The following RFX3 variants were observed in gnomAD, a reference collection of about 807,000 sequenced individuals.
RFX3 encodes the protein transcription factor RFX3.
In RFX3, 14 loss-of-function variants were observed where a neutral mutation model predicts 98.6. The observed-to-expected ratio is 0.14, with a 90% CI of 0.09 to 0.22. RFX3 has a LOEUF of 0.22. Ranked by LOEUF, RFX3 falls within the 10% of genes least tolerant of loss-of-function variation. The pLI is 1.00. For synonymous variants in RFX3, 383 were observed against 328.4 expected, an observed-to-expected ratio of 1.17 and a Z score of -1.80; for missense variants, 639 against 926.9, an observed-to-expected ratio of 0.69 and a Z score of 4.03.
chr9:3,305,740 G>A (rs375256963), intron 4 of RFX3, among the ~76,000 whole-genome samples: 1 of 151,984 alleles, frequency 6.6e-6, no homozygotes, highest in East Asian at 1.9e-4. Context: ...GAGGGACAGA[G>A]GAATAGTGTG....
intron 4 of RFX3, among the ~76,000 whole-genome samples, chr9:3,308,646 G>T (rs1314631803): frequency 6.6e-6 from 1 of 152,142 alleles, no homozygotes; most frequent in East Asian, 1.9e-4. Context: ...AAGTGCTATG[G>T]AACATAAATA....
At chr9:3,393,335 C>G (rs537511391) in intron 2 of RFX3, among the ~76,000 whole-genome samples, 3 of 151,862 alleles carry the variant, frequency 2.0e-5, no homozygotes, top group Non-Finnish European at 2.9e-5. Flanking sequence ...CTATTATATA[C>G]CCTATTAAGA....
intron 1 of RFX3, among the ~76,000 whole-genome samples, chr9:3,409,052 G>A (rs1230567662): frequency 6.6e-6 from 1 of 152,162 alleles, no homozygotes; most frequent in East Asian, 1.9e-4. Flanking sequence ...TAAGTTGATG[G>A]TTCAAGCTTT....
chr9:3,349,703 C>G (rs1182145291), intron 2 of RFX3, among the ~76,000 whole-genome samples: 1 of 151,784 alleles, frequency 6.6e-6, no homozygotes, highest in East Asian at 1.9e-4. Context: ...TAGAAGTGCC[C>G]ACGTGTGAAT....
intron 1 of RFX3, among the ~76,000 whole-genome samples, chr9:3,458,585 G>A (rs976788185): frequency 6.6e-6 from 1 of 152,096 alleles, no homozygotes; most frequent in African/African-American, 2.4e-5. Context: ...TATGACCCCC[G>A]AAGTCTGTAT....
intron 1 of RFX3, among the ~76,000 whole-genome samples, chr9:3,415,108 A>G (rs935982337): frequency 6.5e-5 from 6 of 92,496 alleles, no homozygotes; most frequent in South Asian, 5.4e-4. Flanking sequence ...ATATATAAGT[A>G]TATATATATA....
chr9:3,385,700 AAAAAGAAAAG>A (rs57000431), intron 2 of RFX3, among the ~76,000 whole-genome samples: 34 of 145,424 alleles, frequency 2.3e-4, no homozygotes, highest in East Asian at 1.4e-3. Flanking sequence ...AAAAAAAAAA[AAAAAGAAAAG>A]AAAAGAAAAG....
At chr9:3,237,885 C>G (rs1304130879) in intron 15 of RFX3, among the ~76,000 whole-genome samples, 1 of 151,880 alleles carries the variant, frequency 6.6e-6, no homozygotes, top group Non-Finnish European at 1.5e-5. Flanking sequence ...ACCACTATCC[C>G]ACGCCTGAGC....
At position 3,395,476 on chromosome 9, in the gene RFX3, T is replaced by C. The variant is rs1840761557; in HGVS notation, c.113A>G (p.Gln38Arg). Residue 38 changes from glutamine (Q) to arginine (R), a missense_variant, in exon 2 of 17, where the codon CAA becomes CGA. Gln to Arg is a conservative substitution (Grantham distance 43, BLOSUM62 1). Coordinates refer to ENST00000617270, the MANE Select transcript of RFX3 (RefSeq NM_001282116.2). ...TQVVQQVPVQ[Q>R]QVQQVQTVQQ... ...CTAAGAGCAGCAGCTCCTTACCTGT[T>C]GTTGTACTGGTACTTGCTGTACCAC... 7 of 1,614,038 alleles carry C rather than the reference T, an allele frequency of 4.3e-6. No homozygotes were observed. The East Asian group carries it at 1.6e-4, about 36-fold the overall frequency.
chr9:3,496,038 T>C (rs1464955963), intron 1 of RFX3, among the ~76,000 whole-genome samples: 1 of 152,034 alleles, frequency 6.6e-6, no homozygotes, highest in Non-Finnish European at 1.5e-5. Flanking sequence ...CCACTGTTAC[T>C]TTACTGCTTC....
chr9:3,273,450 G>C (rs1262546471), intron 9 of RFX3, among the ~76,000 whole-genome samples: 2 of 152,070 alleles, frequency 1.3e-5, no homozygotes, highest in Admixed American at 6.6e-5. Context: ...ATAATTCAAA[G>C]ACTATTTCAA....
At chr9:3,322,128 C>A (rs1377090986) in intron 4 of RFX3, among the ~76,000 whole-genome samples, 1 of 152,060 alleles carries the variant, frequency 6.6e-6, no homozygotes, top group Non-Finnish European at 1.5e-5. Flanking sequence ...AGTTTATTTA[C>A]ATGAACAGCC....
At chr9:3,445,035 AT>A (rs1359063544) in intron 1 of RFX3, among the ~76,000 whole-genome samples, 5 of 152,186 alleles carry the variant, frequency 3.3e-5, no homozygotes, top group African/African-American at 1.2e-4. Context: ...GGAGAAATAC[AT>A]TTAATCACAT....
At chr9:3,240,443 G>A (rs141730815) in intron 15 of RFX3, among the ~76,000 whole-genome samples, 1 of 152,072 alleles carries the variant, frequency 6.6e-6, no homozygotes, top group Admixed American at 6.6e-5. Context: ...TCTATCAGAG[G>A]ACTATATCTT....
At chr9:3,317,415 CCTA>C (rs1488306028) in intron 4 of RFX3, among the ~76,000 whole-genome samples, 5 of 152,072 alleles carry the variant, frequency 3.3e-5, no homozygotes, top group African/African-American at 1.2e-4. Flanking sequence ...CTGTAAAAGC[CCTA>C]GAAGAAAACC....
intron 1 of RFX3, among the ~76,000 whole-genome samples, chr9:3,506,203 CTG>C (rs1817076046): frequency 6.7e-6 from 1 of 149,358 alleles, no homozygotes; most frequent in Non-Finnish European, 1.5e-5. Flanking sequence ...TGAAGGACAA[CTG>C]TTTTTTTTTT....
intron 1 of RFX3, among the ~76,000 whole-genome samples, chr9:3,438,364 T>C (rs909707232): frequency 2.0e-5 from 3 of 152,048 alleles, no homozygotes; most frequent in Non-Finnish European, 4.4e-5. Context: ...TCTATATCTA[T>C]CTTTAAATAA....
chr9:3,257,847 G>C (rs368835259), intron 13 of RFX3, among the ~76,000 whole-genome samples: 30 of 152,222 alleles, frequency 2.0e-4, no homozygotes, highest in African/African-American at 7.2e-4. Context: ...AAAAACTCTT[G>C]AGAAAATGTA....
At chr9:3,250,241 T>C (rs1269391718) in intron 14 of RFX3, among the ~76,000 whole-genome samples, 1 of 152,004 alleles carries the variant, frequency 6.6e-6, no homozygotes, top group East Asian at 1.9e-4. Flanking sequence ...TAAATGATTT[T>C]TAAAGTAAAG....
Sources: gnomAD v4.1 joint callset for allele counts (sites outside exome capture counted in the v4.1 genomes callset) on GRCh38, gnomAD v4.1.1 for gene constraint, MANE v1.5 for transcripts, NCBI Gene and HGNC (gene_info 2026-07-23, HGNC 2026-07-21) for gene names.